The following ARMH1 variants were observed in gnomAD, a reference collection of about 807,000 sequenced individuals.
The protein encoded by ARMH1 is armadillo like helical domain containing 1.
A neutral mutation model predicts 50.2 loss-of-function variants in ARMH1; 34 were observed. The observed-to-expected ratio is 0.68, with a 90% CI of 0.51 to 0.90. The LOEUF (loss-of-function observed/expected upper bound fraction) is 0.90, where lower values mean the gene tolerates loss of function less well. ARMH1 is among the 40% of genes least tolerant of loss of function. The pLI, the probability that ARMH1 is intolerant of heterozygous loss-of-function variation, is 0.00. For synonymous variants in ARMH1, 221 were observed against 224.2 expected, an observed-to-expected ratio of 0.99 and a Z score of 0.13; for missense variants, 538 against 553.9, an observed-to-expected ratio of 0.97 and a Z score of 0.29.
intron 6 of ARMH1, among the ~76,000 whole-genome samples, chr1:44,708,007 G>A (rs1646419648): frequency 6.6e-6 from 1 of 152,132 alleles, no homozygotes; most frequent in Non-Finnish European, 1.5e-5. Flanking sequence ...TTTTAACCAG[G>A]CGCTTCAAAA....
chr1:44,709,411 G>T (rs562203198), intron 6 of ARMH1, among the ~76,000 whole-genome samples: 2 of 152,208 alleles, frequency 1.3e-5, no homozygotes, highest in Admixed American at 6.5e-5. Context: ...GGTGGCTCAC[G>T]CCTTTAATCC....
chr1:44,701,097 T>C lies in ARMH1; in HGVS notation c.617T>C (p.Leu206Pro). 1 of 1,551,344 alleles carries C rather than the reference T, an allele frequency of 6.4e-7. No individual in the cohort carries two copies. Among genetic ancestry groups the C allele is most frequent in the Non-Finnish European group, 8.7e-7 (1 of 1,146,724 alleles). Residue 206 changes from leucine to proline, a missense_variant, in exon 5 of 12, where the codon CTG becomes CCG. Leu to Pro is a moderately conservative substitution (Grantham distance 98). Coordinates refer to ENST00000535358, the MANE Select transcript of ARMH1 (RefSeq NM_001145636.2). ...CESPKAQQLS[L>P]QTLRTAQPII... ...TCCCCAAAAGCCCAGCAGCTGTCCC[T>C]GCAGACTCTCAGGACTGCCCAGGTG... is the stretch of plus-strand genomic sequence containing the variant.
intron 3 of ARMH1, 24 bp downstream of exon 3, chr1:44,697,194 C>T (rs1645855740): frequency 1.3e-6 from 2 of 1,534,778 alleles, no homozygotes; most frequent in Non-Finnish European, 1.8e-6. Context: ...TAGCGTGATT[C>T]TGGGGGTCTC....
At chr1:44,717,690 A>G (rs1447222650) in intron 6 of ARMH1, among the ~76,000 whole-genome samples, 2 of 152,262 alleles carry the variant, frequency 1.3e-5, no homozygotes, top group East Asian at 3.8e-4. Context: ...AAGATGCTCA[A>G]TGAGAATTTT....
At chr1:44,721,826 C>T (rs774030471) in intron 6 of ARMH1, 12 of 152,270 alleles carry the variant, frequency 7.9e-5, no homozygotes, top group South Asian at 4.1e-4. Context: ...TAACCATAAA[C>T]TCATAGTTGT....
chr1:44,700,311 C>A (rs1208075484), intron 4 of ARMH1, among the ~76,000 whole-genome samples: 1 of 152,172 alleles, frequency 6.6e-6, no homozygotes, highest in Non-Finnish European at 1.5e-5. Context: ...TTGCAAACTG[C>A]TGAGTGCTAT....
At chr1:44,688,716 A>G (rs949618196) in intron 1 of ARMH1, among the ~76,000 whole-genome samples, 7 of 152,184 alleles carry the variant, frequency 4.6e-5, no homozygotes, top group Non-Finnish European at 1.0e-4. Flanking sequence ...ATCAGCACTA[A>G]CATTTGTTAT....
In ARMH1 at chr1:44,724,276, C is replaced by A. The variant is rs1449589941; in HGVS notation, c.847+32C>A. 2 of 1,550,972 alleles carry A rather than the reference C, an allele frequency of 1.3e-6. No individual in the cohort carries two copies. Among genetic ancestry groups the A allele is most frequent in the Non-Finnish European group, 1.7e-6 (2 of 1,146,430 alleles). On this transcript the variant is annotated intron_variant, in intron 7 of 11. Transcript: ENST00000535358. This position sits in a 1 kb window ranked among gnomAD's most constrained non-coding sequence, Gnocchi z 6.4. The stretch of plus-strand genomic sequence containing the variant: ...ACCTGCTCAAATGGGGCTGCCTGGG[C>A]CACGGGAGGGCGGTCTCTTGCCTCA...
intron 6 of ARMH1, among the ~76,000 whole-genome samples, chr1:44,710,095 T>C (rs1039048709): frequency 2.0e-5 from 3 of 152,028 alleles, no homozygotes; most frequent in African/African-American, 7.3e-5. Flanking sequence ...ACTAACACAG[T>C]GGAATCCTCT....
chr1:44,712,721 T>C (rs1646670108), intron 6 of ARMH1, among the ~76,000 whole-genome samples: 2 of 150,918 alleles, frequency 1.3e-5, no homozygotes, highest in East Asian at 3.9e-4. Flanking sequence ...TGGAGTGCAG[T>C]GGTGCGATCT....
chr1:44,701,028 A>C lies in ARMH1; in HGVS notation c.548A>C (p.Gln183Pro). The stretch of plus-strand genomic sequence containing the variant: ...TTGGTCCACGGCAATCCCAAGTACC[A>C]AAATCAAGTGTATAAAGGTCTAATA... ...DSLVHGNPKY[Q>P]NQVYKGLIAL... The change falls in exon 5 of 12, where the codon CAA becomes CCA. Residue 183 changes from glutamine to proline, a missense_variant. By Grantham distance (76) the Gln-to-Pro change is moderately conservative. Transcript: ENST00000535358. 6.4e-7 allele frequency: 1 copy of C among 1,551,778 alleles called. No homozygotes were observed. The highest frequency in any genetic ancestry group is 1.7e-4 in the Middle Eastern group (1 of 5,992).
chr1:44,709,556 C>T (rs1646503079), intron 6 of ARMH1, among the ~76,000 whole-genome samples: 1 of 151,970 alleles, frequency 6.6e-6, no homozygotes, highest in African/African-American at 2.4e-5. Flanking sequence ...CCTGTAGTCC[C>T]ACCTACACGG....
chr1:44,704,817 C>G (rs934707576), intron 6 of ARMH1, among the ~76,000 whole-genome samples: 1 of 137,490 alleles, frequency 7.3e-6, no homozygotes, highest in Non-Finnish European at 1.6e-5. Flanking sequence ...CGGCCAGGAG[C>G]TTTTATTTAT....
At position 44,709,522 on chromosome 1, in the gene ARMH1, A is replaced by AC. The variant is rs376597813; in HGVS notation, c.724+5349_724+5350insC. 1.0e-3 allele frequency among the ~76,000 whole-genome samples: 159 copies of AC among 152,210 alleles called. 1 individual carries two copies. Among genetic ancestry groups the AC allele is most frequent in the South Asian group, 2.3e-3 (11 of 4,826 alleles). Reference sequence around the variant, plus strand: ...CCCATCTCTACTAAAAATACAAAAAATTAGCCGGGCGTAGTGGCATGCGCC... The same window carrying AC: ...CCCATCTCTACTAAAAATACAAAAAACTTAGCCGGGCGTAGTGGCATGCGCC... On this transcript the variant is annotated intron_variant, in intron 6 of 11. Transcript: ENST00000535358.
intron 2 of ARMH1, among the ~76,000 whole-genome samples, chr1:44,690,449 G>C (rs150597826): frequency 3.0e-4 from 46 of 152,200 alleles, no homozygotes; most frequent in African/African-American, 9.9e-4. Flanking sequence ...CAGAGTTGAA[G>C]TAGGTATACC....
intron 1 of ARMH1, among the ~76,000 whole-genome samples, chr1:44,680,421 G>A (rs781699140): frequency 3.3e-5 from 5 of 152,264 alleles, no homozygotes; most frequent in African/African-American, 7.2e-5. Context: ...ATGATCCACC[G>A]CTTCAGCTTC....
At chr1:44,684,153 G>C (rs143468023) in intron 1 of ARMH1, among the ~76,000 whole-genome samples, 110 of 152,214 alleles carry the variant, frequency 7.2e-4, no homozygotes, top group African/African-American at 2.6e-3. Context: ...TTTCCTTAGC[G>C]GTCAACAAGC....
rs541847895 is a variant in ARMH1, at chr1:44,685,915, C to T, written c.-22-3761C>T. Among the ~76,000 whole-genome samples the T allele has an allele frequency of 5.9e-5, 9 of 152,176 alleles. No individual in the cohort carries two copies. In the South Asian group the frequency reaches 8.3e-4, roughly 14 times the overall value. On this transcript the variant is annotated intron_variant, in intron 1 of 11. Coordinates refer to ENST00000535358, the MANE Select transcript of ARMH1 (RefSeq NM_001145636.2). ...TGCTAGGATTACAGGCGTGAGCCAC[C>T]GCGCCCGGCCCAGATAGCTTATTTC...
At chr1:44,693,808 T>G (rs1444053991) in intron 2 of ARMH1, among the ~76,000 whole-genome samples, 1 of 152,134 alleles carries the variant, frequency 6.6e-6, no homozygotes, top group Non-Finnish European at 1.5e-5. Flanking sequence ...CATTGAAATA[T>G]TATGTGATTA....
Sources: gnomAD v4.1 joint callset for allele counts (sites outside exome capture counted in the v4.1 genomes callset) on GRCh38, gnomAD v4.1.1 for gene constraint, Gnocchi (gnomAD v3.1) non-coding constraint, MANE v1.5 for transcripts, NCBI Gene and HGNC (gene_info 2026-07-23, HGNC 2026-07-21) for gene names.